Variants in TGFA observed in about 807,000 individuals in gnomAD.
TGFA encodes transforming growth factor alpha, also known as protransforming growth factor alpha.
Under a neutral mutation model 21.7 loss-of-function variants are expected in TGFA, and 12 were observed. The observed-to-expected ratio is 0.55, with a 90% CI of 0.35 to 0.90. The LOEUF is 0.90. TGFA is among the 40% of genes least tolerant of loss of function. TGFA has a pLI of 0.01. For missense variants in TGFA, 178 were observed against 210.8 expected (o/e 0.84, Z 0.96); for synonymous variants, 79 against 88.1 (o/e 0.90, Z 0.58).
intron 1 of TGFA, among the ~76,000 whole-genome samples, chr2:70,522,430 A>G (rs1294817322): frequency 6.6e-6 from 1 of 151,830 alleles, no homozygotes; most frequent in Non-Finnish European, 1.5e-5. Flanking sequence ...TCCAACTTTT[A>G]TTTTTTATTT....
At chr2:70,527,666 A>G (rs987660434) in intron 1 of TGFA, among the ~76,000 whole-genome samples, 2 of 152,232 alleles carry the variant, frequency 1.3e-5, no homozygotes, top group African/African-American at 4.8e-5. Flanking sequence ...TGACTCATCA[A>G]TTGTAACAAA....
intron 1 of TGFA, among the ~76,000 whole-genome samples, chr2:70,543,194 T>C (rs116057538): frequency 0.012 from 1,813 of 152,278 alleles, 42 homozygotes; most frequent in African/African-American, 0.041. Context: ...ATGTCTTATC[T>C]TGGGGGCCTT....
intron 4 of TGFA, among the ~76,000 whole-genome samples, chr2:70,455,451 G>A (rs1670201700): frequency 6.6e-6 from 1 of 152,188 alleles, no homozygotes. Flanking sequence ...CCCATCCACT[G>A]ACTGTCTCCA....
intron 3 of TGFA, among the ~76,000 whole-genome samples, chr2:70,464,398 A>G (rs1471061586): frequency 6.6e-6 from 1 of 152,236 alleles, no homozygotes; most frequent in Admixed American, 6.5e-5. Flanking sequence ...GAAACTGCCA[A>G]TCCTCAACCA....
intron 4 of TGFA, among the ~76,000 whole-genome samples, chr2:70,454,455 G>T (rs1465841172): frequency 2.0e-5 from 3 of 152,232 alleles, no homozygotes; most frequent in Non-Finnish European, 4.4e-5. Flanking sequence ...CTTCTGAGTT[G>T]CAGAGTCTGG....
chr2:70,450,717 C>G lies in TGFA; in HGVS notation c.*142G>C. 1.1e-6 allele frequency: 1 copy of G among 886,256 alleles called. No homozygotes were observed. The highest frequency in any genetic ancestry group is 1.8e-6 in the Non-Finnish European group (1 of 559,810). The allele number at this position is 886,256 out of a possible 1,614,324, so 54.9% of individuals were successfully genotyped here. On this transcript the variant is annotated 3_prime_UTR_variant, in exon 6 of 6. Coordinates refer to ENST00000295400, the MANE Select transcript of TGFA (RefSeq NM_003236.4). ...GAGTTCTTGACAGAGTTTTGAAGGC[C>G]CACAAAAGGCTGCACAGGTGATTAC...
rs7560306 is a variant in TGFA, at chr2:70,494,968, A to G, written c.94+19891T>C. On this transcript the variant is annotated intron_variant, in intron 2 of 5. Transcript: ENST00000295400. ...AGAAAATTATAATTTTTATGTCTCT[A>G]TTTTCCTTTATGGTTTCTGTTTTCA... is the stretch of plus-strand genomic sequence containing the variant. Among the ~76,000 whole-genome samples the G allele has an allele frequency of 1.5e-3, 227 of 152,136 alleles. 1 individual carries two copies. The highest frequency in any genetic ancestry group is 4.9e-3 in the African/African-American group (202 of 41,500).
intron 2 of TGFA, among the ~76,000 whole-genome samples, chr2:70,471,720 C>T (rs1670756840): frequency 6.6e-6 from 1 of 152,170 alleles, no homozygotes; most frequent in Non-Finnish European, 1.5e-5. Context: ...TTCCTTACAT[C>T]ATCCGCCAAG....
At chr2:70,501,689 G>C (rs1671743082) in intron 2 of TGFA, among the ~76,000 whole-genome samples, 1 of 151,964 alleles carries the variant, frequency 6.6e-6, no homozygotes, top group Admixed American at 6.6e-5. Context: ...TCCCCAATTA[G>C]GTATACTCTC....
At chr2:70,525,203 C>T (rs1162679547) in intron 1 of TGFA, among the ~76,000 whole-genome samples, 1 of 152,172 alleles carries the variant, frequency 6.6e-6, no homozygotes, top group Non-Finnish European at 1.5e-5. Context: ...ATCCCTGCAC[C>T]CTGGTGCACA....
intron 1 of TGFA, among the ~76,000 whole-genome samples, chr2:70,518,244 G>A (rs1025004185): frequency 6.6e-6 from 1 of 152,108 alleles, no homozygotes; most frequent in Non-Finnish European, 1.5e-5. Flanking sequence ...TCCTATTTCT[G>A]TTTAAATAGC....
intron 2 of TGFA, among the ~76,000 whole-genome samples, chr2:70,508,446 AAAAC>A (rs782008580): frequency 3.9e-5 from 6 of 152,182 alleles, no homozygotes; most frequent in African/African-American, 7.2e-5. Flanking sequence ...ACTCCATCTC[AAAAC>A]AAACAAACAA....
intron 3 of TGFA, among the ~76,000 whole-genome samples, chr2:70,458,712 C>T (rs1369761549): frequency 4.6e-5 from 7 of 152,222 alleles, no homozygotes; most frequent in Middle Eastern, 3.2e-3. Context: ...GACTCGTTTA[C>T]GTTCATTTTT....
intron 3 of TGFA, among the ~76,000 whole-genome samples, 198 bp downstream of exon 3, chr2:70,465,418 C>A (rs1670524613): frequency 6.6e-6 from 1 of 152,194 alleles, no homozygotes; most frequent in South Asian, 2.1e-4. Flanking sequence ...TGGCTGTGGG[C>A]TGGGGGCCTT....
At chr2:70,553,385 G>A in intron 1 of TGFA, 1 of 1,454,488 alleles carries the variant, frequency 6.9e-7, no homozygotes, top group Non-Finnish European at 9.0e-7. Flanking sequence ...GGGCTTGGAG[G>A]CAGCCAGGTA....
At chr2:70,465,803 C>T (rs1262666088) in intron 2 of TGFA, 67 bp from the exon 3 acceptor site, 3 of 1,592,558 alleles carry the variant, frequency 1.9e-6, no homozygotes, top group Admixed American at 1.7e-5. Flanking sequence ...ACACCTCCCA[C>T]CCTACCAGTC....
intron 1 of TGFA, among the ~76,000 whole-genome samples, chr2:70,531,699 A>G (rs1229733899): frequency 3.9e-5 from 6 of 152,230 alleles, no homozygotes; most frequent in Admixed American, 2.0e-4. Context: ...GTTGTCACAG[A>G]AGATGGAATA....
At chr2:70,544,703 C>T (rs760374604) in intron 1 of TGFA, among the ~76,000 whole-genome samples, 100 of 152,222 alleles carry the variant, frequency 6.6e-4, no homozygotes, top group Admixed American at 2.3e-3. Flanking sequence ...AATAATGGAA[C>T]CAAACTGATA....
intron 2 of TGFA, among the ~76,000 whole-genome samples, chr2:70,509,686 T>C (rs1553500689): frequency 6.6e-6 from 1 of 152,136 alleles, no homozygotes; most frequent in Non-Finnish European, 1.5e-5. Flanking sequence ...ACCCAGCTCA[T>C]GCAAGGCAGA....
Sources: gnomAD v4.1 joint callset for allele counts (sites outside exome capture counted in the v4.1 genomes callset) on GRCh38, gnomAD v4.1.1 for gene constraint, MANE v1.5 for transcripts, NCBI Gene and HGNC (gene_info 2026-07-23, HGNC 2026-07-21) for gene names.